Variants in CSMD1 observed in about 807,000 individuals in gnomAD.
CSMD1 encodes CUB and sushi domain-containing protein 1.
Under a neutral mutation model 417.5 loss-of-function variants are expected in CSMD1, and 213 were observed. The observed-to-expected ratio is 0.51, with a 90% CI of 0.46 to 0.57. The LOEUF is 0.57. Among genes scored for constraint, CSMD1 ranks in the 20% least tolerant of loss-of-function variants. The pLI, the probability that CSMD1 is intolerant of heterozygous loss-of-function variation, is 0.00. For synonymous variants in CSMD1, 2,862 were observed against 1,736.8 expected (o/e 1.65, Z -16.11); for missense variants, 6,923 against 4,529.7 (o/e 1.53, Z -15.17).
chr8:3,724,782 T>C (rs984033060), intron 6 of CSMD1, among the ~76,000 whole-genome samples: 1 of 152,204 alleles, frequency 6.6e-6, no homozygotes, highest in African/African-American at 2.4e-5. Context: ...GCCATAAGAA[T>C]ACCAGCAGTA....
intron 12 of CSMD1, among the ~76,000 whole-genome samples, chr8:3,455,457 T>G (rs1447083670): frequency 1.3e-5 from 2 of 152,196 alleles, no homozygotes; most frequent in African/African-American, 4.8e-5. Context: ...CTTCCTTTGG[T>G]CTTTGATGAT....
chr8:4,052,843 C>G (rs916415823), intron 3 of CSMD1, among the ~76,000 whole-genome samples: 1 of 152,066 alleles, frequency 6.6e-6, no homozygotes, highest in Non-Finnish European at 1.5e-5. Flanking sequence ...TAGGTAAACC[C>G]CTCTCCATCT....
intron 2 of CSMD1, among the ~76,000 whole-genome samples, chr8:4,433,809 A>G (rs1390324056): frequency 6.6e-6 from 1 of 151,668 alleles, no homozygotes; most frequent in Non-Finnish European, 1.5e-5. Flanking sequence ...GTCCTTTGCA[A>G]GATACTTTTA....
intron 10 of CSMD1, among the ~76,000 whole-genome samples, chr8:3,524,046 G>A (rs111204999): frequency 2.4e-5 from 3 of 123,696 alleles, no homozygotes; most frequent in South Asian, 2.6e-4. Context: ...CACACCCAGA[G>A]ACACGTGCAC....
chr8:4,857,794 T>C (rs1406047429), intron 1 of CSMD1, among the ~76,000 whole-genome samples: 1 of 150,998 alleles, frequency 6.6e-6, no homozygotes, highest in East Asian at 2.0e-4. Context: ...CCAAAAAGAG[T>C]CCAGGACCAG....
At chr8:4,032,793 A>G (rs1242248788) in intron 3 of CSMD1, among the ~76,000 whole-genome samples, 2 of 152,204 alleles carry the variant, frequency 1.3e-5, no homozygotes, top group Non-Finnish European at 2.9e-5. Context: ...TAAAAAAATA[A>G]TAAAATTCAA....
chr8:3,879,670 T>C (rs1172322561), intron 5 of CSMD1, among the ~76,000 whole-genome samples: 3 of 152,152 alleles, frequency 2.0e-5, no homozygotes, highest in Non-Finnish European at 2.9e-5. Flanking sequence ...CACCAATATT[T>C]CTTGACGTCA....
chr8:4,943,196 A>T (rs1347802563), intron 1 of CSMD1, among the ~76,000 whole-genome samples: 1 of 152,146 alleles, frequency 6.6e-6, no homozygotes, highest in Non-Finnish European at 1.5e-5. Flanking sequence ...GCACATTTGC[A>T]CTTTATTTGA....
intron 2 of CSMD1, among the ~76,000 whole-genome samples, chr8:4,439,259 TAAAC>T (rs541785913): frequency 9.9e-5 from 15 of 152,144 alleles, no homozygotes; most frequent in South Asian, 4.1e-4. Context: ...TTAAACAAAT[TAAAC>T]AACTACTAAA....
intron 2 of CSMD1, among the ~76,000 whole-genome samples, chr8:4,516,152 C>A (rs1390182211): frequency 6.6e-6 from 1 of 151,908 alleles, no homozygotes; most frequent in African/African-American, 2.4e-5. Context: ...CATGCAGGGG[C>A]CCTAATCCAA....
chr8:4,633,188 T>G (rs573928439), intron 2 of CSMD1, among the ~76,000 whole-genome samples: 1 of 100,132 alleles, frequency 1.0e-5, no homozygotes, highest in African/African-American at 3.2e-5. Context: ...TAGGAACATT[T>G]ACTATTAGGA....
At chr8:4,898,369 C>T (rs570225230) in intron 1 of CSMD1, among the ~76,000 whole-genome samples, 1 of 150,944 alleles carries the variant, frequency 6.6e-6, no homozygotes, top group East Asian at 1.9e-4. Context: ...TGTGTCACAC[C>T]TGCCATTTTT....
chr8:4,788,142 C>A, intron 1 of CSMD1: 1 of 1,601,070 alleles, frequency 6.2e-7, no homozygotes, highest in East Asian at 2.2e-5. Context: ...TACTTCTGAT[C>A]TTGGTCACTG....
At chr8:3,524,500 C>G (rs529860553) in intron 10 of CSMD1, among the ~76,000 whole-genome samples, 1 of 143,834 alleles carries the variant, frequency 7.0e-6, no homozygotes, top group Non-Finnish European at 1.5e-5. Flanking sequence ...CAAGTACACA[C>G]ATGCACAGAT....
intron 12 of CSMD1, among the ~76,000 whole-genome samples, chr8:3,424,749 CCA>C (rs1217869518): frequency 6.6e-6 from 1 of 152,222 alleles, no homozygotes; most frequent in Non-Finnish European, 1.5e-5. Flanking sequence ...TGTCAAGGAA[CCA>C]CAGTGTTTGT....
chr8:4,410,902 A>G (rs1004646234), intron 3 of CSMD1, among the ~76,000 whole-genome samples: 1 of 152,204 alleles, frequency 6.6e-6, no homozygotes, highest in Non-Finnish European at 1.5e-5. Context: ...TAAGTTCAAT[A>G]AGATCAATGA....
At chr8:4,072,898 C>A (rs1216169307) in intron 3 of CSMD1, among the ~76,000 whole-genome samples, 1 of 152,122 alleles carries the variant, frequency 6.6e-6, no homozygotes, top group African/African-American at 2.4e-5. Flanking sequence ...TGGAAAAAGT[C>A]AAATCAACAC....
intron 4 of CSMD1, among the ~76,000 whole-genome samples, chr8:4,006,072 G>T (rs977764373): frequency 6.6e-6 from 1 of 152,208 alleles, no homozygotes; most frequent in Non-Finnish European, 1.5e-5. Flanking sequence ...GCTGGAGGAA[G>T]AGCATTCCCA....
Position 3,522,795 on chromosome 8 carries a change from T to C in CSMD1, c.1345-29069A>G, listed in dbSNP as rs1797561770. 3.3e-5 allele frequency among the ~76,000 whole-genome samples: 5 copies of C among 152,030 alleles called. 1 individual carries two copies. The highest frequency in any genetic ancestry group is 4.1e-4 in the South Asian group (2 of 4,820). On this transcript the variant is annotated intron_variant, in intron 10 of 69. Coordinates refer to ENST00000635120, the MANE Select transcript of CSMD1 (RefSeq NM_033225.6). The stretch of plus-strand genomic sequence containing the variant: ...CCCAGGGAACCCAACACATTTTTCA[T>C]GGTTACATATTAAATTACGTATTTT...
Sources: allele counts gnomAD v4.1 joint callset (sites outside exome capture counted in the v4.1 genomes callset), GRCh38; gene constraint gnomAD v4.1.1; transcripts MANE v1.5; gene names NCBI Gene and HGNC (gene_info 2026-07-23, HGNC 2026-07-21).